TMEM181: variants seen among roughly 807,000 people sequenced by gnomAD.
TMEM181 encodes G protein-coupled receptor 178.
TMEM181 carries 39 observed loss-of-function variants against 71.9 expected under a neutral mutation model. The ratio of observed to expected loss-of-function variants is 0.54; its 90% CI spans 0.42 to 0.71. The LOEUF (loss-of-function observed/expected upper bound fraction) is 0.71, where lower values mean the gene tolerates loss of function less well. Ranked by LOEUF, TMEM181 falls within the 30% of genes least tolerant of loss-of-function variation. The pLI, the probability that TMEM181 is intolerant of heterozygous loss-of-function variation, is 0.00. For missense variants in TMEM181, 595 were observed against 583.0 expected (o/e 1.02, Z -0.21); for synonymous variants, 245 against 228.8 (o/e 1.07, Z -0.64).
chr6:158,583,879 G>T, intron 3 of TMEM181, 75 bp from the exon 4 acceptor site: 1 of 1,055,606 alleles, frequency 9.5e-7, no homozygotes. Context: ...AGTAAACTTT[G>T]TGTGTTAAAA....
chr6:158,621,007 C>T (rs183764366), intron 10 of TMEM181, among the ~76,000 whole-genome samples: 1 of 152,322 alleles, frequency 6.6e-6, no homozygotes, highest in East Asian at 1.9e-4. Context: ...CGAAATGTTT[C>T]TGTGTGTCTC....
At chr6:158,626,773 C>CTCACTCATGCCT (rs1554230470) in intron 13 of TMEM181, 18 of 455,758 alleles carry the variant, frequency 3.9e-5, no homozygotes, top group Non-Finnish European at 7.1e-5. Context: ...CACATAGAGG[C>CTCACTCATGCCT]TCACTCACAC....
intron 1 of TMEM181, among the ~76,000 whole-genome samples, chr6:158,541,740 T>C (rs1282093581): frequency 6.6e-6 from 1 of 152,226 alleles, no homozygotes; most frequent in East Asian, 1.9e-4. Flanking sequence ...GCATCTGTAC[T>C]GATTTTGATG....
At chr6:158,603,542 T>C (rs1784784595) in intron 6 of TMEM181, among the ~76,000 whole-genome samples, 1 of 151,930 alleles carries the variant, frequency 6.6e-6, no homozygotes, top group Non-Finnish European at 1.5e-5. Context: ...ATTAGGCCAC[T>C]TGAAGTTGTC....
At chr6:158,601,614 C>A (rs1784674457) in intron 6 of TMEM181, among the ~76,000 whole-genome samples, 1 of 152,004 alleles carries the variant, frequency 6.6e-6, no homozygotes, top group Non-Finnish European at 1.5e-5. Context: ...CAAAAATTAG[C>A]TGAGAGTGGT....
upstream of TMEM181, among the ~76,000 whole-genome samples, chr6:158,557,923 G>GCA (rs1215553614): frequency 2.0e-5 from 3 of 152,266 alleles, no homozygotes; most frequent in Non-Finnish European, 4.4e-5. Context: ...GTTGTTCCTG[G>GCA]CACACACACA....
At chr6:158,570,772 C>G (rs1335545332) in intron 1 of TMEM181, among the ~76,000 whole-genome samples, 1 of 152,100 alleles carries the variant, frequency 6.6e-6, no homozygotes, top group Non-Finnish European at 1.5e-5. Flanking sequence ...GACCTTGGTG[C>G]AGTACTGTTA....
chr6:158,613,990 A>G (rs2128321953), intron 10 of TMEM181, among the ~76,000 whole-genome samples: 1 of 152,356 alleles, frequency 6.6e-6, no homozygotes, highest in East Asian at 1.9e-4. Context: ...CAGTAACCCA[A>G]CATAACCTTA....
At chr6:158,564,981 G>C (rs546952646) in intron 1 of TMEM181, among the ~76,000 whole-genome samples, 1 of 152,164 alleles carries the variant, frequency 6.6e-6, no homozygotes, top group Admixed American at 6.5e-5. Flanking sequence ...AGAAGTTCTC[G>C]GTCTTACCCG....
intron 6 of TMEM181, among the ~76,000 whole-genome samples, chr6:158,604,767 A>G (rs995516296): frequency 1.3e-5 from 2 of 152,228 alleles, no homozygotes; most frequent in Non-Finnish European, 2.9e-5. Context: ...GAGATTGACA[A>G]GCTTGATTTT....
intron 1 of TMEM181, among the ~76,000 whole-genome samples, chr6:158,550,430 G>A (rs1942928988): frequency 6.6e-6 from 1 of 151,872 alleles, no homozygotes. Flanking sequence ...GGCCGTGGCT[G>A]GCGGATCACA....
rs1784897254 is a variant in TMEM181, at chr6:158,605,344, C to T, written c.570C>T (p.Val190=). 1 of 1,613,812 alleles carries T rather than the reference C, an allele frequency of 6.2e-7. No homozygotes were observed. Among genetic ancestry groups the T allele is most frequent in the African/African-American group, 1.3e-5 (1 of 74,914 alleles). ...RFFFVVLTFI[V]TCLFAHSLRK... Reference sequence around the variant, plus strand: ...TCTTTGTGGTGCTCACCTTCATCGTCACTGTGAGTACCATTCGCCTGATGG... The same window carrying T: ...TCTTTGTGGTGCTCACCTTCATCGTTACTGTGAGTACCATTCGCCTGATGG... The change falls in exon 7 of 17, where the codon GTC becomes GTT. Residue 190 remains valine, a synonymous_variant. Coordinates refer to ENST00000684151, the MANE Select transcript of TMEM181 (RefSeq NM_001376852.1).
chr6:158,602,636 G>T (rs1193510174), intron 6 of TMEM181, among the ~76,000 whole-genome samples: 1 of 151,696 alleles, frequency 6.6e-6, no homozygotes, highest in Non-Finnish European at 1.5e-5. Flanking sequence ...TTTGAGATGG[G>T]ACCTTGCTCT....
intron 1 of TMEM181, among the ~76,000 whole-genome samples, chr6:158,549,822 A>G (rs578128226): frequency 2.1e-4 from 32 of 152,112 alleles, no homozygotes; most frequent in Non-Finnish European, 4.7e-4. Flanking sequence ...TTTTGTATGT[A>G]AGGTGGTGAC....
At position 158,608,343 on chromosome 6, in the gene TMEM181, C is replaced by T. The variant is rs777546780; in HGVS notation, c.684C>T (p.Phe228=). 1.4e-5 allele frequency: 22 copies of T among 1,614,080 alleles called. No individual in the cohort carries two copies. Among genetic ancestry groups the T allele is most frequent in the Admixed American group, 5.0e-5 (3 of 60,014 alleles). The change falls in exon 9 of 17, where the codon TTC becomes TTT. Residue 228 remains phenylalanine, a synonymous_variant. Transcript: ENST00000684151. The part of the protein sequence containing the change: ...PLLLLYNDPF[F]PLSFLVNSWL... The stretch of plus-strand genomic sequence containing the variant: ...CCCTTTGTGTTCCAGATCCGTTCTT[C>T]CCCCTCTCCTTCCTGGTCAACAGCT...
intron 1 of TMEM181, among the ~76,000 whole-genome samples, chr6:158,547,306 G>A (rs1011553948): frequency 3.3e-5 from 5 of 152,154 alleles, no homozygotes; most frequent in Non-Finnish European, 7.3e-5. Context: ...CAGAAATACA[G>A]ACGCCTAAGC....
intron 1 of TMEM181, among the ~76,000 whole-genome samples, chr6:158,572,798 C>A (rs561229965): frequency 6.6e-6 from 1 of 152,122 alleles, no homozygotes; most frequent in African/African-American, 2.4e-5. Context: ...GGCAAGGCAG[C>A]GTCCGTGTTG....
At chr6:158,626,400 G>A (rs1562315333) in intron 13 of TMEM181, 3 of 456,698 alleles carry the variant, frequency 6.6e-6, no homozygotes, top group African/African-American at 2.0e-5. Context: ...TCCAGAGGAG[G>A]AAAAAATCTA....
In TMEM181 at chr6:158,599,171, GT is replaced by G. The variant is rs538487144; in HGVS notation, c.493-6095del. Among the ~76,000 whole-genome samples the G allele has an allele frequency of 2.7e-3, 411 of 152,284 alleles. 6 individuals carry two copies. Among genetic ancestry groups the G allele is most frequent in the Non-Finnish European group, 4.5e-3 (309 of 68,030 alleles). On this transcript the variant is annotated intron_variant, in intron 6 of 16. Transcript: ENST00000684151. Reference sequence around the variant, plus strand: ...GTCAGCTCCTGGAGGCCTTTTACTGGTCATATTTTTGTTAAAGTCACTTATT... The same window carrying G: ...GTCAGCTCCTGGAGGCCTTTTACTGGCATATTTTTGTTAAAGTCACTTATT...
Sources: allele counts gnomAD v4.1 joint callset (sites outside exome capture counted in the v4.1 genomes callset), GRCh38; gene constraint gnomAD v4.1.1; transcripts MANE v1.5; gene names NCBI Gene and HGNC (gene_info 2026-07-23, HGNC 2026-07-21).